NME8: variants seen among roughly 807,000 people sequenced by gnomAD.
The protein encoded by NME8 is protein NME8.
Under a neutral mutation model 82.3 loss-of-function variants are expected in NME8, and 72 were observed. The observed-to-expected ratio is 0.87, with a 90% CI of 0.72 to 1.06. The LOEUF is 1.06. Ranked by LOEUF, NME8 falls within the 50% of genes least tolerant of loss-of-function variation. The pLI, the probability that NME8 is intolerant of heterozygous loss-of-function variation, is 0.00. For missense variants in NME8, 712 were observed against 685.4 expected (o/e 1.04, Z -0.43); for synonymous variants, 267 against 228.5 (o/e 1.17, Z -1.52).
intron 12 of NME8, among the ~76,000 whole-genome samples, chr7:37,878,458 T>G (rs896978813): frequency 6.6e-6 from 1 of 152,174 alleles, no homozygotes; most frequent in East Asian, 1.9e-4. Flanking sequence ...TAATGCAGGT[T>G]CATAAAGTGA....
chr7:37,885,010 A>G (rs1427591768), intron 13 of NME8, 135 bp from the exon 14 acceptor site: 3 of 667,392 alleles, frequency 4.5e-6, no homozygotes, highest in Non-Finnish European at 8.0e-6. Context: ...AAAAAATCAC[A>G]GACCTCTGTT....
chr7:37,852,023 A>G (rs1475265386), intron 5 of NME8, among the ~76,000 whole-genome samples: 2 of 152,118 alleles, frequency 1.3e-5, no homozygotes, highest in African/African-American at 4.8e-5. Flanking sequence ...TAAAGCCTAG[A>G]CACTCACCTC....
intron 6 of NME8, among the ~76,000 whole-genome samples, chr7:37,860,987 C>T (rs1784590240): frequency 6.6e-6 from 1 of 152,184 alleles, no homozygotes; most frequent in African/African-American, 2.4e-5. Context: ...TCACACTCAT[C>T]TACCTCTTTC....
chr7:37,863,419 C>G lies in NME8; in HGVS notation c.411C>G (p.Asp137Glu). Residue 137 changes from aspartate (D) to glutamate (E), a missense_variant, in exon 8 of 18, where the codon GAC (aspartate) becomes GAG (glutamate). Physicochemically the swap from Asp to Glu is conservative, Grantham distance 45. Coordinates refer to ENST00000199447, the MANE Select transcript of NME8 (RefSeq NM_016616.5). ...AGTATCCTGAAATTCCATTAGTAGA[C>G]TCAGATTCAGAAGTTAGTGAAGAAT... ...RPQYPEIPLVDSDSEVSEESP... is the reference protein window; with the variant it reads ...RPQYPEIPLVESDSEVSEESP... 6.3e-7 allele frequency: 1 copy of G among 1,595,618 alleles called. No homozygotes were observed. The highest frequency in any genetic ancestry group is 1.7e-4 in the Middle Eastern group (1 of 6,026).
chr7:37,857,854 A>G (rs1282288018), intron 6 of NME8, among the ~76,000 whole-genome samples: 1 of 152,168 alleles, frequency 6.6e-6, no homozygotes, highest in Non-Finnish European at 1.5e-5. Context: ...TTTATTATTC[A>G]TACTATTCTA....
intron 11 of NME8, among the ~76,000 whole-genome samples, chr7:37,876,438 T>C (rs1351953406): frequency 1.3e-5 from 2 of 151,980 alleles, no homozygotes; most frequent in African/African-American, 4.8e-5. Context: ...TAATTGGAAA[T>C]GTTCATTTGA....
intron 2 of NME8, among the ~76,000 whole-genome samples, chr7:37,849,530 G>A (rs973752535): frequency 2.0e-5 from 3 of 152,106 alleles, no homozygotes; most frequent in Admixed American, 2.0e-4. Flanking sequence ...CAGCAAAGAT[G>A]ACACTGCATA....
chr7:37,895,250 G>A (rs922911090), intron 16 of NME8, among the ~76,000 whole-genome samples: 1 of 152,046 alleles, frequency 6.6e-6, no homozygotes, highest in African/African-American at 2.4e-5. Context: ...CTTTCTACAT[G>A]ATGCATCTGT....
At chr7:37,890,514 C>G (rs1356736491) in intron 15 of NME8, among the ~76,000 whole-genome samples, 1 of 151,794 alleles carries the variant, frequency 6.6e-6, no homozygotes, top group Non-Finnish European at 1.5e-5. Context: ...TATAGTTACC[C>G]TACTATGCAT....
At chr7:37,879,420 A>G (rs1210950571) in intron 12 of NME8, among the ~76,000 whole-genome samples, 1 of 152,172 alleles carries the variant, frequency 6.6e-6, no homozygotes, top group Non-Finnish European at 1.5e-5. Flanking sequence ...TGCTGGATTT[A>G]CAGGTGTGAG....
intron 15 of NME8, among the ~76,000 whole-genome samples, chr7:37,888,840 A>G (rs533221164): frequency 2.3e-3 from 353 of 152,028 alleles, no homozygotes; most frequent in South Asian, 5.0e-3. Flanking sequence ...GCTATTGGAT[A>G]CTATTTGCTT....
At chr7:37,894,642 T>C in intron 16 of NME8, 32 bp downstream of exon 16, 1 of 1,526,204 alleles carries the variant, frequency 6.6e-7, no homozygotes, top group Non-Finnish European at 9.0e-7. Context: ...GTTTGCATTA[T>C]AAAAGTGGTA....
intron 5 of NME8, among the ~76,000 whole-genome samples, chr7:37,854,870 C>G (rs898784047): frequency 6.6e-6 from 1 of 152,144 alleles, no homozygotes; most frequent in Non-Finnish European, 1.5e-5. Flanking sequence ...TGTCATAAAT[C>G]CCATGAAGTC....
At chr7:37,876,758 T>C (rs1208916143) in intron 11 of NME8, 74 bp from the exon 12 acceptor site, 3 of 1,081,858 alleles carry the variant, frequency 2.8e-6, no homozygotes, top group Admixed American at 3.8e-5. Flanking sequence ...TCTGAACATA[T>C]CAGATTTAAT....
chr7:37,868,808 A>G (rs1300784398), intron 11 of NME8, among the ~76,000 whole-genome samples: 3 of 152,208 alleles, frequency 2.0e-5, no homozygotes, highest in Non-Finnish European at 4.4e-5. Context: ...GTGGTTACAA[A>G]TTACTGAGAA....
At position 37,850,620 on chromosome 7, in the gene NME8, A is replaced by G. The variant is rs113388202; in HGVS notation, c.92-9A>G. 16 of 1,584,318 alleles carry G rather than the reference A, an allele frequency of 1.0e-5. No homozygotes were observed. The East Asian group carries it at 1.3e-4, about 13-fold the overall frequency. On this transcript the variant is annotated splice_polypyrimidine_tract_variant and intron_variant, in intron 4 of 17. Transcript: ENST00000199447. ...ACTTTGTTATTTCATAAATATCATC[A>G]TCTTCTAGTGATTGATGTTTACCAA... is the stretch of plus-strand genomic sequence containing the variant.
intron 10 of NME8, among the ~76,000 whole-genome samples, chr7:37,867,059 T>G (rs1784693993): frequency 6.6e-6 from 1 of 152,202 alleles, no homozygotes; most frequent in Non-Finnish European, 1.5e-5. Flanking sequence ...GCTTAGTGAA[T>G]CTGCGTTTTT....
rs185007620 is a variant in NME8 at position 37,859,916 on chromosome 7, G to T, written c.271-2112G>T. Among the ~76,000 whole-genome samples, 6 of 152,266 alleles carry T rather than the reference G, an allele frequency of 3.9e-5. No homozygotes were observed. The East Asian group carries it at 9.6e-4, about 24-fold the overall frequency. On this transcript the variant is annotated intron_variant, in intron 6 of 17. Coordinates refer to ENST00000199447, the MANE Select transcript of NME8 (RefSeq NM_016616.5). ...ATCATTAATTTAAGAATAGAATTCT[G>T]TGATCACAAAAACACCATCAAGTCC...
At chr7:37,850,552 G>C in intron 4 of NME8, 77 bp from the exon 5 acceptor site, 2 of 1,510,770 alleles carry the variant, frequency 1.3e-6, no homozygotes, top group African/African-American at 1.4e-5. Context: ...CTTTGCCCTG[G>C]CCATGGCTCC....
Sources: gnomAD v4.1 joint callset for allele counts (sites outside exome capture counted in the v4.1 genomes callset) on GRCh38, gnomAD v4.1.1 for gene constraint, MANE v1.5 for transcripts, NCBI Gene and HGNC (gene_info 2026-07-23, HGNC 2026-07-21) for gene names.